The following ZFYVE9 variants were observed in gnomAD, a reference collection of about 807,000 sequenced individuals.
The protein encoded by ZFYVE9 is zinc finger FYVE-type containing 9.
In ZFYVE9, 43 loss-of-function variants were observed where a neutral mutation model predicts 126.7. That is an observed-to-expected ratio of 0.34 (90% confidence interval 0.27 to 0.44). The LOEUF (loss-of-function observed/expected upper bound fraction) is 0.44. Among genes scored for constraint, ZFYVE9 ranks in the 20% least tolerant of loss-of-function variants. The pLI, the probability that ZFYVE9 is intolerant of heterozygous loss-of-function variation, is 1.00. For missense variants in ZFYVE9, 1,476 were observed against 1,697.0 expected (o/e 0.87, Z 2.29); for synonymous variants, 521 against 597.4 (o/e 0.87, Z 1.87).
chr1:52,292,206 C>G (rs980959645), intron 10 of ZFYVE9, among the ~76,000 whole-genome samples: 8 of 148,498 alleles, frequency 5.4e-5, no homozygotes, highest in Non-Finnish European at 8.9e-5. Context: ...TTGCTTGAAC[C>G]TGGGAGGCAG....
At chr1:52,155,234 C>CTTTTTTTTTT in intron 1 of ZFYVE9, among the ~76,000 whole-genome samples, 166 of 129,018 alleles carry the variant, frequency 1.3e-3, no homozygotes, top group Middle Eastern at 4.3e-3. Context: ...TCTTTTTTTT[C>CTTTTTTTTTT]TTTTTTTTTT....
chr1:52,163,443 T>G (rs1572065933), intron 1 of ZFYVE9, among the ~76,000 whole-genome samples: 1 of 152,346 alleles, frequency 6.6e-6, no homozygotes, highest in Non-Finnish European at 1.5e-5. Flanking sequence ...CAAAGGCCGC[T>G]CCACTCCACT....
chr1:52,153,094 G>C (rs1395630972), intron 1 of ZFYVE9, among the ~76,000 whole-genome samples: 1 of 152,210 alleles, frequency 6.6e-6, no homozygotes, highest in Non-Finnish European at 1.5e-5. Context: ...AGCTGCCCAA[G>C]GAGAGCATGG....
chr1:52,291,980 T>A (rs996754723), intron 10 of ZFYVE9, among the ~76,000 whole-genome samples: 3 of 151,236 alleles, frequency 2.0e-5, no homozygotes, highest in Non-Finnish European at 2.9e-5. Context: ...CTCAAAAAAT[T>A]ATAAACAATA....
chr1:52,309,920 C>G (rs1348129092), intron 13 of ZFYVE9, among the ~76,000 whole-genome samples: 2 of 152,092 alleles, frequency 1.3e-5, no homozygotes, highest in African/African-American at 4.8e-5. Flanking sequence ...TCTCTTTTGT[C>G]AAGGCCATTA....
chr1:52,327,891 G>A (rs753390479), intron 13 of ZFYVE9, among the ~76,000 whole-genome samples: 11 of 150,842 alleles, frequency 7.3e-5, no homozygotes, highest in Non-Finnish European at 1.0e-4. Flanking sequence ...GGAGAATCGC[G>A]TGAACTCAGG....
chr1:52,288,510 G>T (rs1645885105), intron 10 of ZFYVE9, among the ~76,000 whole-genome samples: 1 of 152,180 alleles, frequency 6.6e-6, no homozygotes, highest in Non-Finnish European at 1.5e-5. Context: ...CTAAACTGAG[G>T]ACATGACCTT....
intron 2 of ZFYVE9, among the ~76,000 whole-genome samples, chr1:52,221,652 G>T (rs1030946834): frequency 3.3e-5 from 5 of 152,138 alleles, no homozygotes; most frequent in Admixed American, 6.5e-5. Flanking sequence ...GGGTTACGGG[G>T]TCAAGGATTT....
At chr1:52,304,590 C>T (rs1377230264) in intron 13 of ZFYVE9, among the ~76,000 whole-genome samples, 1 of 151,874 alleles carries the variant, frequency 6.6e-6, no homozygotes, top group Non-Finnish European at 1.5e-5. Context: ...ATAATTTTTC[C>T]TTCCTTTTTC....
chr1:52,301,663 T>C (rs767723949), intron 12 of ZFYVE9, among the ~76,000 whole-genome samples: 1 of 152,186 alleles, frequency 6.6e-6, no homozygotes, highest in Non-Finnish European at 1.5e-5. Context: ...TTGATTATAA[T>C]GTGCCATAGT....
intron 4 of ZFYVE9, among the ~76,000 whole-genome samples, chr1:52,247,275 C>CTAA (rs1174365272): frequency 6.6e-6 from 1 of 152,132 alleles, no homozygotes; most frequent in Non-Finnish European, 1.5e-5. Flanking sequence ...AATGTTTGCA[C>CTAA]TAAGTTCATG....
rs931727840 is a variant in ZFYVE9 at position 52,346,348 on chromosome 1, G to T, written c.*127G>T. 1.1e-5 allele frequency: 10 copies of T among 939,874 alleles called. No individual in the cohort carries two copies. The highest frequency in any genetic ancestry group is 1.3e-5 in the Non-Finnish European group (9 of 671,086). The allele number at this position is 939,874 out of a possible 1,614,324, so 58.2% of individuals were successfully genotyped here. A position where few individuals can be genotyped will look rare whatever the true frequency, so the allele number is the denominator to read the frequency against. On this transcript the variant is annotated 3_prime_UTR_variant, in exon 19 of 19. Transcript: ENST00000287727. ...TATTAATGGGGTGGGGAATAGGGTGGGAGTGGGGGTTTGGGAGACGGGTGG... is the reference window on the plus strand; with the variant it reads ...TATTAATGGGGTGGGGAATAGGGTGTGAGTGGGGGTTTGGGAGACGGGTGG...
chr1:52,308,995 A>G (rs1271436332), intron 13 of ZFYVE9, among the ~76,000 whole-genome samples: 1 of 152,250 alleles, frequency 6.6e-6, no homozygotes, highest in Non-Finnish European at 1.5e-5. Flanking sequence ...TTGCAAGTAT[A>G]CTAAAGGTAC....
At chr1:52,295,517 C>A (rs1457636559) in intron 11 of ZFYVE9, among the ~76,000 whole-genome samples, 1 of 151,970 alleles carries the variant, frequency 6.6e-6, no homozygotes, top group Non-Finnish European at 1.5e-5. Flanking sequence ...GCTACCACAC[C>A]CAGCTAATTT....
intron 1 of ZFYVE9, among the ~76,000 whole-genome samples, chr1:52,170,602 T>G (rs994847590): frequency 2.0e-5 from 3 of 152,214 alleles, no homozygotes; most frequent in Non-Finnish European, 2.9e-5. Context: ...TCTTTTTTGA[T>G]GTAGGCACTT....
At chr1:52,301,591 A>C (rs1054403187) in intron 12 of ZFYVE9, among the ~76,000 whole-genome samples, 11 of 152,328 alleles carry the variant, frequency 7.2e-5, no homozygotes, top group African/African-American at 2.6e-4. Context: ...TGCATGAGCC[A>C]CTGTGCCTGA....
At chr1:52,291,378 T>G (rs1645918852) in intron 10 of ZFYVE9, among the ~76,000 whole-genome samples, 1 of 152,226 alleles carries the variant, frequency 6.6e-6, no homozygotes. Flanking sequence ...TGATGGAGAT[T>G]GCTTCATTGG....
At chr1:52,180,176 G>C in intron 1 of ZFYVE9, 1 of 1,432,848 alleles carries the variant, frequency 7.0e-7, no homozygotes, top group Middle Eastern at 2.5e-4. Context: ...AGGGTTTGTG[G>C]GTCGTCTTGC....
chr1:52,178,129 A>G lies in ZFYVE9; in HGVS notation c.-143+35726A>G, dbSNP rs1404659818. ...CCCATCTCTACTAAAAATACAAAAA[A>G]TTAGCTGGGTGTGGTGGCTGGCGCC... On this transcript the variant is annotated intron_variant, in intron 1 of 18. Transcript: ENST00000287727. 2.6e-5 allele frequency among the ~76,000 whole-genome samples: 4 copies of G among 151,718 alleles called. No homozygotes were observed. The South Asian group carries it at 6.3e-4, about 24-fold the overall frequency.
Sources: allele counts gnomAD v4.1 joint callset (sites outside exome capture counted in the v4.1 genomes callset), GRCh38; gene constraint gnomAD v4.1.1; transcripts MANE v1.5; gene names NCBI Gene and HGNC (gene_info 2026-07-23, HGNC 2026-07-21).